The following NLGN1 variants were observed in gnomAD, a reference collection of about 807,000 sequenced individuals.
NLGN1 encodes the protein neuroligin-1.
In NLGN1, 12 loss-of-function variants were observed where a neutral mutation model predicts 65.5. The ratio of observed to expected loss-of-function variants is 0.18; its 90% CI spans 0.12 to 0.30. The LOEUF is 0.30. Among genes scored for constraint, NLGN1 ranks in the 10% least tolerant of loss-of-function variants. The probability of loss-of-function intolerance (pLI) is 1.00; values close to 1 mark genes in which losing one functional copy is unlikely to be tolerated. For synonymous variants in NLGN1, 350 were observed against 359.5 expected (o/e 0.97, Z 0.30); for missense variants, 750 against 1,007.1 (o/e 0.74, Z 3.46).
chr3:173,649,554 A>G lies in NLGN1; in HGVS notation c.493+44463A>G, dbSNP rs532478219. Among the ~76,000 whole-genome samples the G allele has an allele frequency of 3.3e-5, 5 of 152,262 alleles. No homozygotes were observed. In the South Asian group the frequency reaches 8.3e-4, roughly 25 times the overall value. On this transcript the variant is annotated intron_variant, in intron 3 of 6. Transcript: ENST00000457714. Reference sequence around the variant, plus strand: ...TTATTTTAAATTCAAATGAAATGCCATAAGATTCTTTTTCACCTTCACATT... The same window carrying G: ...TTATTTTAAATTCAAATGAAATGCCGTAAGATTCTTTTTCACCTTCACATT...
intron 3 of NLGN1, among the ~76,000 whole-genome samples, chr3:173,794,962 ATTCTCCTTTT>A (rs1378113874): frequency 6.6e-6 from 1 of 152,052 alleles, no homozygotes; most frequent in Non-Finnish European, 1.5e-5. Context: ...TTAACATAAG[ATTCTCCTTTT>A]TTTGTGTGTG....
At chr3:174,256,594 G>T (rs1011078409) in intron 4 of NLGN1, among the ~76,000 whole-genome samples, 1 of 152,002 alleles carries the variant, frequency 6.6e-6, no homozygotes, top group African/African-American at 2.4e-5. Flanking sequence ...TATGTGCAAC[G>T]TATGTGAGAT....
intron 2 of NLGN1, among the ~76,000 whole-genome samples, chr3:173,523,120 GTTAT>G (rs1176371134): frequency 4.3e-5 from 5 of 115,568 alleles, no homozygotes; most frequent in East Asian, 4.0e-4. Flanking sequence ...AAAAAATGAG[GTTAT>G]TTGTTTTTGT....
At chr3:173,762,138 T>C (rs1778051004) in intron 3 of NLGN1, among the ~76,000 whole-genome samples, 1 of 152,064 alleles carries the variant, frequency 6.6e-6, no homozygotes, top group Non-Finnish European at 1.5e-5. Flanking sequence ...CTTGGATGGT[T>C]CTGAGCTTAG....
intron 4 of NLGN1, among the ~76,000 whole-genome samples, chr3:173,888,448 T>A (rs911503130): frequency 9.2e-5 from 14 of 152,108 alleles, no homozygotes; most frequent in African/African-American, 3.1e-4. Context: ...GTTTTATTGT[T>A]ATTTTTTATT....
At chr3:174,001,497 C>T (rs1160966989) in intron 4 of NLGN1, among the ~76,000 whole-genome samples, 1 of 152,174 alleles carries the variant, frequency 6.6e-6, no homozygotes, top group East Asian at 1.9e-4. Context: ...AGAATGCTTG[C>T]AGTCTTGAGA....
At chr3:173,907,105 A>G (rs1308247543) in intron 4 of NLGN1, among the ~76,000 whole-genome samples, 1 of 152,170 alleles carries the variant, frequency 6.6e-6, no homozygotes, top group Non-Finnish European at 1.5e-5. Context: ...TGGTGACATG[A>G]AATATCCACA....
Position 173,904,507 on chromosome 3 carries a change from G to GT in NLGN1, c.646+96675_646+96676insT, listed in dbSNP as rs1386035332. ...ACTTTTGCTTATATGTGAAGATAAA[G>GT]GGTTTTTTTTTTTTCATTTAGTTTC... On this transcript the variant is annotated intron_variant, in intron 4 of 6. Transcript: ENST00000457714. 2.0e-3 allele frequency among the ~76,000 whole-genome samples: 300 copies of GT among 151,204 alleles called. 3 individuals carry two copies. The highest frequency in any genetic ancestry group is 6.9e-3 in the African/African-American group (283 of 41,052).
chr3:174,288,780 C>G (rs953528475), downstream of NLGN1, among the ~76,000 whole-genome samples: 1 of 151,486 alleles, frequency 6.6e-6, no homozygotes, highest in African/African-American at 2.4e-5. Flanking sequence ...CCTCATTACA[C>G]AAAGTATATT....
At chr3:173,828,799 A>G (rs1173041255) in intron 4 of NLGN1, among the ~76,000 whole-genome samples, 1 of 152,062 alleles carries the variant, frequency 6.6e-6, no homozygotes, top group Non-Finnish European at 1.5e-5. Context: ...AGAGCAAAGA[A>G]ATTAAACAGA....
At chr3:174,067,030 T>G (rs1211721132) in intron 4 of NLGN1, among the ~76,000 whole-genome samples, 1 of 152,194 alleles carries the variant, frequency 6.6e-6, no homozygotes, top group Non-Finnish European at 1.5e-5. Flanking sequence ...TTTCTGAATT[T>G]GTTGTTTAAT....
chr3:173,747,183 AAAC>A (rs1348462905), intron 3 of NLGN1, among the ~76,000 whole-genome samples: 1 of 147,516 alleles, frequency 6.8e-6, no homozygotes, highest in Non-Finnish European at 1.5e-5. Flanking sequence ...CAGCGTCTCA[AAAC>A]AATATATATA....
At chr3:173,664,895 C>T (rs991732669) in intron 3 of NLGN1, among the ~76,000 whole-genome samples, 5 of 151,986 alleles carry the variant, frequency 3.3e-5, no homozygotes, top group Non-Finnish European at 4.4e-5. Flanking sequence ...TTTAAACACT[C>T]CCCAAAATGC....
chr3:173,410,495 A>T (rs187710382), intron 1 of NLGN1, among the ~76,000 whole-genome samples: 2 of 152,318 alleles, frequency 1.3e-5, no homozygotes, highest in East Asian at 3.9e-4. Context: ...GGTGTTCTAC[A>T]TCCATGTTTT....
At chr3:173,856,078 T>G (rs1319651819) in intron 4 of NLGN1, among the ~76,000 whole-genome samples, 1 of 152,136 alleles carries the variant, frequency 6.6e-6, no homozygotes, top group African/African-American at 2.4e-5. Flanking sequence ...CATTTTAATT[T>G]ACTCAGCTGT....
At chr3:173,559,183 C>T (rs1237887506) in intron 2 of NLGN1, among the ~76,000 whole-genome samples, 1 of 152,158 alleles carries the variant, frequency 6.6e-6, no homozygotes, top group Non-Finnish European at 1.5e-5. Context: ...GCTTGGAATA[C>T]ACTGTGATTT....
chr3:173,933,018 A>G (rs1487644486), intron 4 of NLGN1, among the ~76,000 whole-genome samples: 5 of 152,184 alleles, frequency 3.3e-5, no homozygotes, highest in Non-Finnish European at 7.4e-5. Flanking sequence ...GAAGATACTC[A>G]AAGAATCACA....
At chr3:173,901,531 G>C (rs1387835779) in intron 4 of NLGN1, among the ~76,000 whole-genome samples, 1 of 151,712 alleles carries the variant, frequency 6.6e-6, no homozygotes, top group Non-Finnish European at 1.5e-5. Flanking sequence ...TGCTTATTCA[G>C]GGTATGCATA....
At position 173,630,064 on chromosome 3, in the gene NLGN1, C is replaced by A. The variant is rs553372820; in HGVS notation, c.493+24973C>A. Among the ~76,000 whole-genome samples, 11 of 152,192 alleles carry A rather than the reference C, an allele frequency of 7.2e-5. No homozygotes were observed. The East Asian group carries it at 2.1e-3, about 29-fold the overall frequency. ...GAAAAATGCTTGTCTTTAGAATAAA[C>A]TATGTTCCTAGGTTACATGTGAGAC... On this transcript the variant is annotated intron_variant, in intron 3 of 6. Coordinates refer to ENST00000457714, the Ensembl canonical transcript of NLGN1.
Sources: allele counts gnomAD v4.1 joint callset (sites outside exome capture counted in the v4.1 genomes callset), GRCh38; gene constraint gnomAD v4.1.1; transcripts MANE v1.5; gene names NCBI Gene and HGNC (gene_info 2026-07-23, HGNC 2026-07-21).